KCNMA1: variants seen among roughly 807,000 people sequenced by gnomAD.
KCNMA1 encodes potassium calcium-activated channel subfamily M alpha 1.
KCNMA1 carries 29 observed loss-of-function variants against 140.0 expected under a neutral mutation model. The ratio of observed to expected loss-of-function variants is 0.21; its 90% CI spans 0.15 to 0.28. KCNMA1 has a LOEUF of 0.28. KCNMA1 is among the 10% of genes least tolerant of loss of function. The pLI is 1.00. For missense variants in KCNMA1, 880 were observed against 1,602.2 expected (o/e 0.55, Z 7.70); for synonymous variants, 612 against 611.9 (o/e 1.00, Z 0.00).
chr10:77,210,787 C>T (rs1178906355), intron 3 of KCNMA1, among the ~76,000 whole-genome samples: 2 of 152,108 alleles, frequency 1.3e-5, no homozygotes, highest in African/African-American at 2.4e-5. Context: ...TGCTGAGAGT[C>T]AAATCAAGAA....
At chr10:77,579,649 G>A (rs1302583956) in intron 1 of KCNMA1, among the ~76,000 whole-genome samples, 1 of 152,094 alleles carries the variant, frequency 6.6e-6, no homozygotes, top group East Asian at 1.9e-4. Flanking sequence ...AGTTTTGGGA[G>A]GTTTTAAGAA....
At chr10:77,533,170 C>T (rs1181665089) in intron 1 of KCNMA1, among the ~76,000 whole-genome samples, 1 of 152,140 alleles carries the variant, frequency 6.6e-6, no homozygotes, top group Non-Finnish European at 1.5e-5. Context: ...CATGACAGTG[C>T]TTTCATCCCT....
chr10:77,479,947 C>G (rs1433029224), intron 1 of KCNMA1, among the ~76,000 whole-genome samples: 1 of 152,142 alleles, frequency 6.6e-6, no homozygotes, highest in African/African-American at 2.4e-5. Context: ...TCCCACGGAG[C>G]CAAGCCTGGT....
rs2152885647 is a variant in KCNMA1, at chr10:76,944,892, G to A, written c.2783C>T (p.Ala928Val). 1.2e-6 allele frequency: 2 copies of A among 1,613,888 alleles called. No homozygotes were observed. The highest frequency in any genetic ancestry group is 1.7e-6 in the Non-Finnish European group (2 of 1,179,860). The change falls in exon 23 of 28, where the codon GCC becomes GTC. Residue 928 changes from alanine (A) to valine (V), a missense_variant. Transcript: ENST00000286628. ...AGTATCATCAATATTATTCTGATTGGCTGACAGGATAACGCACATGTCACA... is the reference window on the plus strand; with the variant it reads ...AGTATCATCAATATTATTCTGATTGACTGACAGGATAACGCACATGTCACA... ...NLCDMCVILS[A>V]NQNNIDDTSL...
intron 2 of KCNMA1, among the ~76,000 whole-genome samples, chr10:77,283,992 G>T (rs938261811): frequency 1.3e-5 from 2 of 152,186 alleles, no homozygotes; most frequent in East Asian, 3.9e-4. Flanking sequence ...GTGGGAAAGG[G>T]ATGGGAAGAA....
At chr10:76,877,773 A>G in exon 30 of KCNMA1, 1 of 1,564,028 alleles carries the variant, frequency 6.4e-7, no homozygotes, top group Non-Finnish European at 8.7e-7. Flanking sequence ...GATTGGTGGA[A>G]TCAAGCTGCT....
downstream of KCNMA1, chr10:76,884,660 A>C: frequency 4.2e-6 from 1 of 235,834 alleles, no homozygotes; most frequent in Admixed American, 5.8e-5. Flanking sequence ...CAAATTACCC[A>C]ACCCCACACC....
In KCNMA1 at chr10:76,974,060, C is replaced by T. The variant is rs114269751; in HGVS notation, c.2267-3993G>A. ...AGTTCAAAGCAAATAAACTCAGAAA[C>T]GTAATAAAAGGCAAACAACTCATAA... On this transcript the variant is annotated intron_variant, in intron 19 of 27. Transcript: ENST00000286628. 384 of 154,086 alleles carry T rather than the reference C, an allele frequency of 2.5e-3. 1 individual carries two copies. The highest frequency in any genetic ancestry group is 8.6e-3 in the African/African-American group (357 of 41,572). 9.5% of individuals were successfully genotyped at this position (154,086 alleles called of 1,614,324 possible). A position where few individuals can be genotyped will look rare whatever the true frequency, so the allele number is the denominator to read the frequency against.
chr10:77,424,587 CA>C (rs55637591), intron 1 of KCNMA1, among the ~76,000 whole-genome samples: 2,379 of 143,858 alleles, frequency 0.017, 33 homozygotes, highest in Middle Eastern at 0.073. Context: ...GGTTCTCAGA[CA>C]AAAAAAAAAA....
chr10:77,536,324 G>A (rs1209879525), intron 1 of KCNMA1, among the ~76,000 whole-genome samples: 1 of 152,200 alleles, frequency 6.6e-6, no homozygotes, highest in African/African-American at 2.4e-5. Context: ...CTCGGAGCAG[G>A]AGGACGCCAG....
intron 3 of KCNMA1, among the ~76,000 whole-genome samples, chr10:77,241,342 GAAT>G (rs2057218845): frequency 6.6e-6 from 1 of 152,046 alleles, no homozygotes; most frequent in Non-Finnish European, 1.5e-5. Context: ...AATAAATGAC[GAAT>G]AATAACAACG....
At chr10:77,056,818 G>A (rs1219444497) in intron 14 of KCNMA1, among the ~76,000 whole-genome samples, 2 of 152,158 alleles carry the variant, frequency 1.3e-5, no homozygotes, top group Non-Finnish European at 2.9e-5. Context: ...CAAAGATGAT[G>A]GAGGGAAGAG....
At chr10:77,112,182 C>T (rs986280181) in intron 7 of KCNMA1, among the ~76,000 whole-genome samples, 185 bp downstream of exon 7, 1 of 152,152 alleles carries the variant, frequency 6.6e-6, no homozygotes, top group African/African-American at 2.4e-5. Flanking sequence ...ACATTACTCA[C>T]CATTTGGAAC....
At chr10:77,372,187 C>T (rs2094778617) in intron 2 of KCNMA1, among the ~76,000 whole-genome samples, 1 of 152,150 alleles carries the variant, frequency 6.6e-6, no homozygotes, top group Non-Finnish European at 1.5e-5. Flanking sequence ...CTTTTGCCTC[C>T]ACTCCACTTC....
At chr10:77,295,814 A>AAAAAAAAC (rs1565799432) in intron 2 of KCNMA1, among the ~76,000 whole-genome samples, 3 of 150,760 alleles carry the variant, frequency 2.0e-5, no homozygotes, top group African/African-American at 7.3e-5. Context: ...AAAAAAAAAA[A>AAAAAAAAC]AAACAGTTTT....
At chr10:77,053,790 G>A (rs1004046475) in intron 14 of KCNMA1, among the ~76,000 whole-genome samples, 1 of 152,178 alleles carries the variant, frequency 6.6e-6, no homozygotes, top group Non-Finnish European at 1.5e-5. Flanking sequence ...TCTTAAGAAA[G>A]TTGAAGGAGA....
At chr10:77,586,093 G>T (rs540312689) in intron 1 of KCNMA1, among the ~76,000 whole-genome samples, 18 of 152,162 alleles carry the variant, frequency 1.2e-4, no homozygotes, top group Non-Finnish European at 2.4e-4. Flanking sequence ...TATAATAAAG[G>T]GTCCCAATGT....
chr10:77,585,767 G>A (rs1237546197), intron 1 of KCNMA1, among the ~76,000 whole-genome samples: 1 of 152,084 alleles, frequency 6.6e-6, no homozygotes, highest in Non-Finnish European at 1.5e-5. Context: ...ACCACCTTCA[G>A]TTATACCCAT....
At chr10:77,379,678 G>A (rs935059525) in intron 2 of KCNMA1, among the ~76,000 whole-genome samples, 8 of 152,074 alleles carry the variant, frequency 5.3e-5, no homozygotes, top group Non-Finnish European at 1.2e-4. Flanking sequence ...GATTTTAAAA[G>A]TAGACTACAG....
Sources: gnomAD v4.1 joint callset for allele counts (sites outside exome capture counted in the v4.1 genomes callset) on GRCh38, gnomAD v4.1.1 for gene constraint, MANE v1.5 for transcripts, NCBI Gene and HGNC (gene_info 2026-07-23, HGNC 2026-07-21) for gene names.